MIS18A: variants seen among roughly 807,000 people sequenced by gnomAD.
The protein encoded by MIS18A is MIS18 kinetochore protein A.
In MIS18A, 14 loss-of-function variants were observed where a neutral mutation model predicts 25.0. That is an observed-to-expected ratio of 0.56 (90% CI 0.37 to 0.88). MIS18A has a LOEUF of 0.88. MIS18A is among the 40% of genes least tolerant of loss of function. MIS18A has a pLI of 0.00. For synonymous variants in MIS18A, 134 were observed against 118.6 expected, an observed-to-expected ratio of 1.13 and a Z score of -0.84; for missense variants, 292 against 290.8, an observed-to-expected ratio of 1.00 and a Z score of -0.03.
Position 32,269,061 on chromosome 21 carries a change from C to T in MIS18A, c.678G>A (p.Leu226=), listed in dbSNP as rs1354533708. 3.7e-6 allele frequency: 6 copies of T among 1,604,732 alleles called. No individual in the cohort carries two copies. Among genetic ancestry groups the T allele is most frequent in the Non-Finnish European group, 8.5e-7 (1 of 1,174,418 alleles). ...QMKLWEAESK[L]SFATCKS is the part of the protein sequence containing the mutation. ...TTCAGCTTTTACAAGTGGCAAAGGA[C>T]AATTTGGATTCGGCCTCCCACAGCT... is the stretch of plus-strand genomic sequence containing the variant. The change falls in exon 5 of 5, where the codon TTG becomes TTA. Residue 226 remains leucine, a synonymous_variant. Coordinates refer to ENST00000290130, the MANE Select transcript of MIS18A (RefSeq NM_018944.3).
the MIS18A span, among the ~76,000 whole-genome samples, chr21:32,228,970 G>A: frequency 1.3e-5 from 2 of 152,042 alleles, no homozygotes; most frequent in African/African-American, 4.8e-5. Flanking sequence ...TCATTTTTAA[G>A]TATTTAAATC....
chr21:32,203,573 C>T, the MIS18A span, among the ~76,000 whole-genome samples: 15 of 143,926 alleles, frequency 1.0e-4, no homozygotes, highest in Admixed American at 4.2e-4. Flanking sequence ...CTATATCTAG[C>T]TAAACTATCA....
the MIS18A span, among the ~76,000 whole-genome samples, chr21:32,185,675 G>T: frequency 6.6e-6 from 1 of 152,060 alleles, no homozygotes; most frequent in South Asian, 2.1e-4. Flanking sequence ...CTGCCTCTGG[G>T]TCTGGCACCT....
chr21:32,276,196 C>T (rs2123471170), intron 1 of MIS18A, among the ~76,000 whole-genome samples: 1 of 152,256 alleles, frequency 6.6e-6, no homozygotes, highest in East Asian at 1.9e-4. Flanking sequence ...CTTATAAATA[C>T]AGGAAAATAA....
At chr21:32,258,353 G>A in the MIS18A span, among the ~76,000 whole-genome samples, 1 of 152,090 alleles carries the variant, frequency 6.6e-6, no homozygotes, top group African/African-American at 2.4e-5. Context: ...ATCGGGGACG[G>A]GGGGCCTTGA....
At chr21:32,164,647 G>A in the MIS18A span, among the ~76,000 whole-genome samples, 1 of 150,338 alleles carries the variant, frequency 6.7e-6, no homozygotes, top group African/African-American at 2.4e-5. Context: ...ATATATATTT[G>A]TATATATATT....
chr21:32,239,642 T>C, the MIS18A span, among the ~76,000 whole-genome samples: 1 of 152,180 alleles, frequency 6.6e-6, no homozygotes. Context: ...ATGGATTCTT[T>C]GACTGACTGT....
chr21:32,157,211 C>T, the MIS18A span, among the ~76,000 whole-genome samples: 38 of 141,818 alleles, frequency 2.7e-4, no homozygotes, highest in Admixed American at 5.1e-4. Context: ...CACCCGCCAC[C>T]GTACCCGGCT....
At chr21:32,174,177 C>T in the MIS18A span, among the ~76,000 whole-genome samples, 133 of 151,848 alleles carry the variant, frequency 8.8e-4, no homozygotes, top group Non-Finnish European at 1.5e-3. Flanking sequence ...GTTGGTCGGG[C>T]TCATCTCGAT....
the MIS18A span, among the ~76,000 whole-genome samples, chr21:32,228,549 G>A: frequency 4.6e-5 from 7 of 152,186 alleles, no homozygotes; most frequent in Non-Finnish European, 7.3e-5. Context: ...TGAAAAGGAA[G>A]AAGTAAAACT....
the MIS18A span, among the ~76,000 whole-genome samples, chr21:32,201,596 A>G: frequency 1.2e-4 from 18 of 152,220 alleles, no homozygotes; most frequent in Admixed American, 3.9e-4. Context: ...CGAGGCGGGA[A>G]GATCACCTGA....
At chr21:32,154,913 C>A in the MIS18A span, among the ~76,000 whole-genome samples, 1 of 152,132 alleles carries the variant, frequency 6.6e-6, no homozygotes, top group Non-Finnish European at 1.5e-5. Context: ...AGCAGAAAAA[C>A]CAAAAGGCAA....
rs2031639714 is a variant in MIS18A, at chr21:32,268,257, G to A, written c.*780C>T. The stretch of plus-strand genomic sequence containing the variant: ...TTTTAATCTTTATTCTCTTCAATTA[G>A]AAAAATACATACTACAAAAGTTTCA... On this transcript the variant is annotated 3_prime_UTR_variant, in exon 5 of 5. Coordinates refer to ENST00000290130, the MANE Select transcript of MIS18A (RefSeq NM_018944.3). 6.6e-6 allele frequency: 1 copy of A among 152,006 alleles called. No homozygotes were observed. The highest frequency in any genetic ancestry group is 2.4e-5 in the African/African-American group (1 of 41,386). The allele number at this position is 152,006 out of a possible 1,614,324, so 9.4% of individuals were successfully genotyped here.
the MIS18A span, among the ~76,000 whole-genome samples, chr21:32,190,815 C>A: frequency 1.3e-5 from 2 of 152,202 alleles, no homozygotes; most frequent in Non-Finnish European, 2.9e-5. Flanking sequence ...GAAAGTTCAG[C>A]CCAACCTGGA....
chr21:32,169,047 T>C, the MIS18A span, among the ~76,000 whole-genome samples: 3 of 152,136 alleles, frequency 2.0e-5, no homozygotes, highest in Non-Finnish European at 4.4e-5. Context: ...CTCTGGAAAT[T>C]AACCAAAGGC....
the MIS18A span, among the ~76,000 whole-genome samples, chr21:32,229,049 T>A: frequency 6.6e-6 from 1 of 152,194 alleles, no homozygotes. Context: ...CTAATTCTAA[T>A]GTTATGTATT....
the MIS18A span, among the ~76,000 whole-genome samples, chr21:32,190,613 C>T: frequency 2.6e-5 from 4 of 152,146 alleles, no homozygotes; most frequent in Non-Finnish European, 4.4e-5. Context: ...TCTAAGCTTC[C>T]ATAGCGATGA....
At chr21:32,194,873 C>T in the MIS18A span, among the ~76,000 whole-genome samples, 1 of 151,032 alleles carries the variant, frequency 6.6e-6, no homozygotes, top group East Asian at 2.0e-4. Flanking sequence ...TGGAATAACA[C>T]ACATTGCAAA....
the MIS18A span, among the ~76,000 whole-genome samples, chr21:32,208,717 C>T: frequency 6.6e-6 from 1 of 152,198 alleles, no homozygotes. Flanking sequence ...TTGAGAACCA[C>T]CAATTTACAG....
Sources: gnomAD v4.1 joint callset for allele counts (sites outside exome capture counted in the v4.1 genomes callset) on GRCh38, gnomAD v4.1.1 for gene constraint, MANE v1.5 for transcripts, NCBI Gene and HGNC (gene_info 2026-07-23, HGNC 2026-07-21) for gene names.